The following PALLD variants were observed in gnomAD, a reference collection of about 807,000 sequenced individuals.
The protein encoded by PALLD is palladin, cytoskeletal associated protein, also known as palladin.
Under a neutral mutation model 123.5 loss-of-function variants are expected in PALLD, and 61 were observed. The observed-to-expected ratio is 0.49, with a 90% CI of 0.40 to 0.61. The LOEUF (loss-of-function observed/expected upper bound fraction) is 0.61, where lower values mean the gene tolerates loss of function less well. PALLD is among the 20% of genes least tolerant of loss of function. The pLI, the probability that PALLD is intolerant of heterozygous loss-of-function variation, is 0.00. For missense variants in PALLD, 1,273 were observed against 1,377.0 expected (o/e 0.92, Z 1.20); for synonymous variants, 465 against 496.4 (o/e 0.94, Z 0.84).
chr4:168,831,140 A>G (rs897261011), intron 10 of PALLD, among the ~76,000 whole-genome samples: 2 of 152,246 alleles, frequency 1.3e-5, no homozygotes, highest in African/African-American at 4.8e-5. Context: ...TTATACACAG[A>G]GCCAGGGGTG....
At chr4:168,529,532 G>A (rs1441467946) in intron 2 of PALLD, among the ~76,000 whole-genome samples, 1 of 152,096 alleles carries the variant, frequency 6.6e-6, no homozygotes, top group Admixed American at 6.5e-5. Flanking sequence ...TCTTCAGCTA[G>A]TTTTCCCCCC....
chr4:168,631,488 C>A, intron 2 of PALLD: 2 of 473,408 alleles, frequency 4.2e-6, no homozygotes, highest in Non-Finnish European at 5.5e-6. Flanking sequence ...GCGATAAGAG[C>A]ATGGAGTGAA....
At chr4:168,713,502 T>G (rs1019605296) in intron 10 of PALLD, among the ~76,000 whole-genome samples, 9 of 152,180 alleles carry the variant, frequency 5.9e-5, no homozygotes, top group Non-Finnish European at 1.3e-4. Flanking sequence ...TATCATAAAT[T>G]GGATGTAAAT....
intron 2 of PALLD, among the ~76,000 whole-genome samples, chr4:168,525,000 G>A (rs1580129374): frequency 6.6e-6 from 1 of 152,184 alleles, no homozygotes; most frequent in African/African-American, 2.4e-5. Context: ...CTGATCCCAA[G>A]CAGAATATAA....
chr4:168,899,950 A>G (rs1756117665), intron 14 of PALLD, among the ~76,000 whole-genome samples: 1 of 152,042 alleles, frequency 6.6e-6, no homozygotes, highest in African/African-American at 2.4e-5. Flanking sequence ...AATAGGCTTT[A>G]CTGGCTCACA....
At chr4:168,827,121 A>G (rs994878559) in intron 10 of PALLD, among the ~76,000 whole-genome samples, 4 of 152,240 alleles carry the variant, frequency 2.6e-5, no homozygotes, top group African/African-American at 9.6e-5. Context: ...TTATGTCTAT[A>G]TAAGTACAAA....
Position 168,587,549 on chromosome 4 carries a change from A to C in PALLD, c.908+75137A>C, listed in dbSNP as rs1257504823. Reference sequence around the variant, plus strand: ...TTCAGTGCTAGGGAGAGCGGATGTGAAGGCGGTTATGAAGGACAGCTGTGC... The same window carrying C: ...TTCAGTGCTAGGGAGAGCGGATGTGCAGGCGGTTATGAAGGACAGCTGTGC... On this transcript the variant is annotated intron_variant, in intron 2 of 21. Coordinates refer to ENST00000505667, the MANE Select transcript of PALLD (RefSeq NM_001166108.2). 2.6e-5 allele frequency among the ~76,000 whole-genome samples: 4 copies of C among 152,114 alleles called. No homozygotes were observed. The East Asian group carries it at 7.7e-4, about 29-fold the overall frequency.
At chr4:168,642,132 C>T (rs1777022753) in intron 2 of PALLD, among the ~76,000 whole-genome samples, 1 of 152,192 alleles carries the variant, frequency 6.6e-6, no homozygotes, top group African/African-American at 2.4e-5. Flanking sequence ...AAACATAGCC[C>T]TGCTACCTAC....
intron 2 of PALLD, among the ~76,000 whole-genome samples, chr4:168,545,847 A>G (rs955993210): frequency 2.6e-5 from 4 of 152,236 alleles, no homozygotes; most frequent in Admixed American, 6.5e-5. Flanking sequence ...GAACAGTTCT[A>G]TCATGTACAA....
intron 2 of PALLD, among the ~76,000 whole-genome samples, chr4:168,595,501 A>T (rs1415582444): frequency 6.6e-6 from 1 of 152,178 alleles, no homozygotes; most frequent in African/African-American, 2.4e-5. Context: ...CTTATTATGT[A>T]TAATTATACA....
chr4:168,845,562 T>C (rs1746716646), intron 10 of PALLD, among the ~76,000 whole-genome samples: 1 of 152,146 alleles, frequency 6.6e-6, no homozygotes. Flanking sequence ...TACAGGAGGA[T>C]GTATGTAGGT....
intron 10 of PALLD, among the ~76,000 whole-genome samples, chr4:168,876,224 T>A (rs918952617): frequency 6.6e-6 from 1 of 152,206 alleles, no homozygotes; most frequent in Non-Finnish European, 1.5e-5. Context: ...TGGAGAGTGC[T>A]GGATAATGGA....
intron 8 of PALLD, among the ~76,000 whole-genome samples, chr4:168,695,148 C>T (rs1783019848): frequency 8.5e-5 from 13 of 152,172 alleles, no homozygotes; most frequent in Admixed American, 8.5e-4. Flanking sequence ...AATTTCTGCT[C>T]ACCAGTGTGA....
In PALLD at chr4:168,878,251, G is replaced by A. The variant is rs1048578217; in HGVS notation, c.1965-12671G>A. ...CGCCACCACCGCCGCTCCCGAGCCC[G>A]GGACAGGCGTCCCACTGCTCGTCGC... On this transcript the variant is annotated intron_variant, in intron 10 of 21. Transcript: ENST00000505667. 2.7e-6 allele frequency: 4 copies of A among 1,477,116 alleles called. No homozygotes were observed. Among genetic ancestry groups the A allele is most frequent in the Non-Finnish European group, 3.6e-6 (4 of 1,114,844 alleles). The allele number at this position is 1,477,116 out of a possible 1,614,324, so 91.5% of individuals were successfully genotyped here.
chr4:168,535,723 C>T (rs967965282), intron 2 of PALLD, among the ~76,000 whole-genome samples: 5 of 152,130 alleles, frequency 3.3e-5, no homozygotes, highest in Non-Finnish European at 7.4e-5. Context: ...CATTTGAACA[C>T]CCATTGCATC....
chr4:168,762,960 G>C (rs1733157099), intron 10 of PALLD, among the ~76,000 whole-genome samples: 1 of 152,168 alleles, frequency 6.6e-6, no homozygotes, highest in Non-Finnish European at 1.5e-5. Flanking sequence ...TCACTCATAA[G>C]TGGGAGTTGA....
chr4:168,499,329 AGGG>A (rs11356014), intron 1 of PALLD, among the ~76,000 whole-genome samples: 56 of 55,554 alleles, frequency 1.0e-3, no homozygotes, highest in African/African-American at 1.6e-3. Context: ...ACATGGAAGA[AGGG>A]GGAAGGGAGG....
chr4:168,636,862 A>T (rs1016539728), intron 2 of PALLD, among the ~76,000 whole-genome samples: 1 of 152,120 alleles, frequency 6.6e-6, no homozygotes, highest in African/African-American at 2.4e-5. Context: ...CAGCAGGGTG[A>T]TCCATTTCTT....
chr4:168,682,977 A>G, intron 4 of PALLD, 21 bp from the exon 5 acceptor site: 1 of 1,398,838 alleles, frequency 7.1e-7, no homozygotes, highest in Non-Finnish European at 1.0e-6. Flanking sequence ...CTGACTAAAC[A>G]CTCACCTTCC....
Sources: allele counts gnomAD v4.1 joint callset (sites outside exome capture counted in the v4.1 genomes callset), GRCh38; gene constraint gnomAD v4.1.1; transcripts MANE v1.5; gene names NCBI Gene and HGNC (gene_info 2026-07-23, HGNC 2026-07-21).